The following CNTN5 variants were observed in gnomAD, a reference collection of about 807,000 sequenced individuals.
CNTN5 encodes contactin 5, also known as contactin-5.
CNTN5 carries 77 observed loss-of-function variants against 129.1 expected under a neutral mutation model. That is an observed-to-expected ratio of 0.60 (90% CI 0.50 to 0.72). The LOEUF (loss-of-function observed/expected upper bound fraction) is 0.72. Among genes scored for constraint, CNTN5 ranks in the 30% least tolerant of loss-of-function variants. The probability of loss-of-function intolerance (pLI) is 0.00; values close to 1 mark genes in which losing one functional copy is unlikely to be tolerated. For synonymous variants in CNTN5, 509 were observed against 465.6 expected (o/e 1.09, Z -1.20); for missense variants, 1,478 against 1,328.8 (o/e 1.11, Z -1.75).
chr11:99,408,449 AG>A (rs1243568718), intron 2 of CNTN5, among the ~76,000 whole-genome samples: 1 of 6,682 alleles, frequency 1.5e-4, no homozygotes, highest in African/African-American at 3.4e-4. Flanking sequence ...AGAAAGAAAG[AG>A]AAAGAAAGAA....
intron 2 of CNTN5, among the ~76,000 whole-genome samples, chr11:99,347,951 TTTTGAACAAATGCA>T (rs1938016300): frequency 6.6e-6 from 1 of 152,222 alleles, no homozygotes; most frequent in Non-Finnish European, 1.5e-5. Context: ...CTGCTTCAGT[TTTTGAACAAATGCA>T]TTTGAACAGC....
Position 99,698,005 on chromosome 11 carries a change from G to A in CNTN5, c.56-121539G>A, listed in dbSNP as rs140325518. The stretch of plus-strand genomic sequence containing the variant: ...AGGAAAATTGAACATTAACCGTTTC[G>A]ACGACTGTTTTACTGAACGTTTTTC... On this transcript the variant is annotated intron_variant, in intron 3 of 24. Coordinates refer to ENST00000524871, the MANE Select transcript of CNTN5 (RefSeq NM_014361.4). Among the ~76,000 whole-genome samples the A allele has an allele frequency of 4.2e-3, 628 of 150,628 alleles. 6 individuals are homozygous for A. The highest frequency in any genetic ancestry group is 0.013 in the African/African-American group (543 of 41,234).
chr11:99,241,935 TAC>T (rs200536928), intron 1 of CNTN5, among the ~76,000 whole-genome samples: 18 of 152,012 alleles, frequency 1.2e-4, no homozygotes, highest in South Asian at 4.1e-4. Context: ...CACACATACA[TAC>T]ACACACACAC....
chr11:99,326,415 A>T (rs978367740), intron 2 of CNTN5, among the ~76,000 whole-genome samples: 1 of 152,208 alleles, frequency 6.6e-6, no homozygotes, highest in African/African-American at 2.4e-5. Context: ...TTGATTCAAA[A>T]TAGGAGAGGA....
At chr11:99,560,269 T>TATC (rs201912439) in intron 3 of CNTN5, among the ~76,000 whole-genome samples, 8,809 of 31,296 alleles carry the variant, frequency 0.28, 358 homozygotes, top group South Asian at 0.35. Context: ...AATCTAACTG[T>TATC]ATTATTATTA....
chr11:100,319,300 G>T (rs187073208), intron 21 of CNTN5, among the ~76,000 whole-genome samples: 2 of 151,848 alleles, frequency 1.3e-5, no homozygotes, highest in African/African-American at 4.8e-5. Flanking sequence ...TTACAGGCAC[G>T]CACCACTGTG....
At chr11:99,957,470 C>T (rs1039712019) in intron 8 of CNTN5, among the ~76,000 whole-genome samples, 1 of 152,116 alleles carries the variant, frequency 6.6e-6, no homozygotes, top group African/African-American at 2.4e-5. Flanking sequence ...ATAATAGGAG[C>T]AGTTGGAACT....
intron 13 of CNTN5, among the ~76,000 whole-genome samples, chr11:100,186,533 A>C (rs1948305479): frequency 6.6e-6 from 1 of 152,176 alleles, no homozygotes. Context: ...CTAACAAAGC[A>C]GAGACTGAGT....
intron 3 of CNTN5, among the ~76,000 whole-genome samples, chr11:99,650,256 T>C (rs1008538261): frequency 6.6e-6 from 1 of 151,948 alleles, no homozygotes; most frequent in Non-Finnish European, 1.5e-5. Context: ...AGGCTACTCA[T>C]GTTCGGAGTC....
chr11:99,704,302 A>C (rs1027520741), intron 3 of CNTN5, among the ~76,000 whole-genome samples: 4 of 151,004 alleles, frequency 2.6e-5, no homozygotes, highest in Non-Finnish European at 5.9e-5. Context: ...GCCACGTTAA[A>C]TGATTACAAA....
intron 2 of CNTN5, among the ~76,000 whole-genome samples, chr11:99,401,623 C>A (rs1357534754): frequency 6.6e-6 from 1 of 152,040 alleles, no homozygotes; most frequent in Non-Finnish European, 1.5e-5. Context: ...TGAATAATGT[C>A]ATGGGTGTTT....
chr11:100,247,049 GA>G, intron 16 of CNTN5, among the ~76,000 whole-genome samples: 1 of 152,290 alleles, frequency 6.6e-6, no homozygotes, highest in East Asian at 1.9e-4. Flanking sequence ...ACTACTGTAT[GA>G]ATGAGAGGGA....
In CNTN5 at chr11:99,736,131, G is replaced by A. The variant is rs1037022659; in HGVS notation, c.56-83413G>A. Among the ~76,000 whole-genome samples, 4 of 152,036 alleles carry A rather than the reference G, an allele frequency of 2.6e-5. No homozygotes were observed. The South Asian group carries it at 8.3e-4, about 32-fold the overall frequency. ...GATTTAAGATTTCTTTTGAGCGTGG[G>A]ACAAAACACAGACACTTGAATAGAT... On this transcript the variant is annotated intron_variant, in intron 3 of 24. Transcript: ENST00000524871.
intron 1 of CNTN5, among the ~76,000 whole-genome samples, chr11:99,275,192 A>C (rs1203063326): frequency 6.6e-6 from 1 of 150,874 alleles, no homozygotes; most frequent in Non-Finnish European, 1.5e-5. Context: ...AAGTTCATTG[A>C]TATATAAAAA....
chr11:99,395,623 A>T (rs1164838939), intron 2 of CNTN5, among the ~76,000 whole-genome samples: 2 of 151,814 alleles, frequency 1.3e-5, no homozygotes, highest in African/African-American at 2.4e-5. Flanking sequence ...GCCCATTCCT[A>T]TGTCCAGGAT....
At chr11:99,576,827 A>T (rs540893878) in intron 3 of CNTN5, among the ~76,000 whole-genome samples, 1 of 152,104 alleles carries the variant, frequency 6.6e-6, no homozygotes, top group Admixed American at 6.5e-5. Flanking sequence ...AAGGGTACTA[A>T]TCCTATTCTT....
intron 9 of CNTN5, among the ~76,000 whole-genome samples, chr11:100,025,064 T>C (rs989910096): frequency 1.3e-5 from 2 of 151,998 alleles, no homozygotes; most frequent in African/African-American, 2.4e-5. Context: ...ATGTCAGAGG[T>C]CTTCACTGCA....
At chr11:99,252,270 G>T (rs66908030) in intron 1 of CNTN5, among the ~76,000 whole-genome samples, 27,345 of 151,340 alleles carry the variant, frequency 0.18, 3,034 homozygotes, top group African/African-American at 0.3. Context: ...CTTATTTGTC[G>T]AGGCCAGGTA....
At chr11:99,627,788 A>T (rs1337012056) in intron 3 of CNTN5, among the ~76,000 whole-genome samples, 1 of 151,854 alleles carries the variant, frequency 6.6e-6, no homozygotes, top group East Asian at 1.9e-4. Flanking sequence ...CTGAAAGGAT[A>T]TAAATAGAGC....
Sources: gnomAD v4.1 joint callset for allele counts (sites outside exome capture counted in the v4.1 genomes callset) on GRCh38, gnomAD v4.1.1 for gene constraint, MANE v1.5 for transcripts, NCBI Gene and HGNC (gene_info 2026-07-23, HGNC 2026-07-21) for gene names.